ARHGAP21: variants seen among roughly 807,000 people sequenced by gnomAD.
ARHGAP21 encodes rho GTPase-activating protein 21.
A neutral mutation model predicts 164.6 loss-of-function variants in ARHGAP21; 38 were observed. The ratio of observed to expected loss-of-function variants is 0.23; its 90% confidence interval spans 0.18 to 0.30. The LOEUF is 0.30. Ranked by LOEUF, ARHGAP21 falls within the 10% of genes least tolerant of loss-of-function variation. The probability of loss-of-function intolerance (pLI) is 1.00; values close to 1 mark genes in which losing one functional copy is unlikely to be tolerated. For missense variants in ARHGAP21, 1,822 were observed against 2,370.7 expected (o/e 0.77, Z 4.81); for synonymous variants, 766 against 857.9 (o/e 0.89, Z 1.87).
At chr10:24,643,708 C>T (rs1321106673) in intron 4 of ARHGAP21, among the ~76,000 whole-genome samples, 1 of 152,134 alleles carries the variant, frequency 6.6e-6, no homozygotes, top group African/African-American at 2.4e-5. Context: ...AATACACCTG[C>T]TCTGTTCTTG....
intron 4 of ARHGAP21, among the ~76,000 whole-genome samples, chr10:24,660,638 A>T (rs1247389255): frequency 6.6e-6 from 1 of 152,136 alleles, no homozygotes; most frequent in Non-Finnish European, 1.5e-5. Context: ...TGGAAACTCA[A>T]TTTCTAATTA....
At position 24,600,739 on chromosome 10, in the gene ARHGAP21, C is replaced by A. The variant is rs140086076; in HGVS notation, c.3039G>T (p.Thr1013=). The stretch of plus-strand genomic sequence containing the variant: ...CCTGAAACAGGCATTCACAGTCGGA[C>A]GTGGTGAGTCGAAACACATTTTTCC... ...TKRKNVFRLT[T]SDCECLFQAE... Residue 1013 remains threonine (T), a synonymous_variant, in exon 14 of 26, where the codon ACG becomes ACT. Coordinates refer to ENST00000396432, the MANE Select transcript of ARHGAP21 (RefSeq NM_020824.4). 4.3e-6 allele frequency: 7 copies of A among 1,613,940 alleles called. No individual in the cohort carries two copies. In the South Asian group the frequency reaches 6.6e-5, roughly 15 times the overall value.
intron 4 of ARHGAP21, among the ~76,000 whole-genome samples, chr10:24,651,554 T>A (rs1838160716): frequency 6.6e-6 from 1 of 152,228 alleles, no homozygotes; most frequent in African/African-American, 2.4e-5. Flanking sequence ...AAGGCAATCC[T>A]TGAGCAGAGA....
At chr10:24,593,559 T>G (rs1377251841) in intron 21 of ARHGAP21, among the ~76,000 whole-genome samples, 1 of 125,124 alleles carries the variant, frequency 8.0e-6, no homozygotes, top group Admixed American at 8.1e-5. Context: ...AGTCTACAGC[T>G]TATTCATAAA....
intron 2 of ARHGAP21, among the ~76,000 whole-genome samples, chr10:24,684,431 T>C (rs1565159042): frequency 6.6e-6 from 1 of 152,188 alleles, no homozygotes; most frequent in African/African-American, 2.4e-5. Context: ...ACTACAAATT[T>C]GAGAGGCATA....
At chr10:24,612,424 T>C (rs1393938278) in intron 9 of ARHGAP21, among the ~76,000 whole-genome samples, 3 of 152,236 alleles carry the variant, frequency 2.0e-5, no homozygotes, top group Non-Finnish European at 4.4e-5. Flanking sequence ...TACCAAAATA[T>C]GGAAATTGAA....
At chr10:24,589,221 C>G in intron 25 of ARHGAP21, 50 bp downstream of exon 25, 5 of 1,517,810 alleles carry the variant, frequency 3.3e-6, no homozygotes, top group Non-Finnish European at 4.6e-6. Context: ...AACAATCAGC[C>G]GAAAAACAAT....
intron 2 of ARHGAP21, among the ~76,000 whole-genome samples, chr10:24,690,317 T>C (rs1002193851): frequency 6.6e-6 from 1 of 152,178 alleles, no homozygotes; most frequent in Admixed American, 6.5e-5. Flanking sequence ...CACAATATTT[T>C]AAAGTGCCAT....
chr10:24,596,888 G>C lies in ARHGAP21; in HGVS notation c.3335-6C>G. 6.3e-7 allele frequency: 1 copy of C among 1,591,630 alleles called. No homozygotes were observed. The highest frequency in any genetic ancestry group is 8.5e-7 in the Non-Finnish European group (1 of 1,174,420). On this transcript the variant is annotated splice_polypyrimidine_tract_variant and splice_region_variant and intron_variant, in intron 16 of 25. Coordinates refer to ENST00000396432, the MANE Select transcript of ARHGAP21 (RefSeq NM_020824.4). ...TTTTGGGGGACTGGTATCATCTTTT[G>C]ATTGCCAGTCAAAATAAAACAACAT...
chr10:24,589,904 T>C (rs956590119), intron 24 of ARHGAP21: 1 of 158,060 alleles, frequency 6.3e-6, no homozygotes, highest in African/African-American at 2.4e-5. Flanking sequence ...GCAGTGCAGT[T>C]GAGGGATCCT....
chr10:24,619,328 G>C (rs976514934), intron 9 of ARHGAP21, 145 bp downstream of exon 9: 1 of 808,310 alleles, frequency 1.2e-6, no homozygotes, highest in Non-Finnish European at 1.8e-6. Flanking sequence ...GAAAGCTCTG[G>C]TTGAAGCACA....
intron 4 of ARHGAP21, among the ~76,000 whole-genome samples, chr10:24,636,432 G>C (rs1836389572): frequency 6.6e-6 from 1 of 152,174 alleles, no homozygotes; most frequent in Non-Finnish European, 1.5e-5. Flanking sequence ...TTAAGTTTGA[G>C]AATCACTGAA....
rs1411821924 is a variant in ARHGAP21 at position 24,620,588 on chromosome 10, T to C, written c.1307A>G (p.Gln436Arg). ...ATGAGAGGTGCTTCGACGTCGTCCC[T>C]GCAAAGTAGTGCGGTTGGGGACGAC... is the stretch of plus-strand genomic sequence containing the variant. ...NQVVPNRTTL[Q>R]GRRRSTSHDR... The change falls in exon 9 of 26, where the codon CAG becomes CGG. Residue 436 changes from glutamine (Q) to arginine (R), a missense_variant. This residue lies in a region of ARHGAP21 where 1,090 missense variants were observed against 1,378.9 expected (regional missense o/e 0.79). Coordinates refer to ENST00000396432, the MANE Select transcript of ARHGAP21 (RefSeq NM_020824.4). The C allele has an allele frequency of 6.2e-7, 1 of 1,614,222 alleles. No individual in the cohort carries two copies.
chr10:24,628,277 G>A lies in ARHGAP21; in HGVS notation c.495+1719C>T, dbSNP rs560340669. On this transcript the variant is annotated intron_variant, in intron 7 of 25. Coordinates refer to ENST00000396432, the MANE Select transcript of ARHGAP21 (RefSeq NM_020824.4). ...AGCCTCCCAACTCCAACTGAACTGTGTACTTCAGAAGGGTAATTGTTATCG... is the reference window on the plus strand; with the variant it reads ...AGCCTCCCAACTCCAACTGAACTGTATACTTCAGAAGGGTAATTGTTATCG... Among the ~76,000 whole-genome samples, 30 of 152,268 alleles carry A rather than the reference G, an allele frequency of 2.0e-4. 1 individual carries two copies. The South Asian group carries it at 2.7e-3, about 14-fold the overall frequency.
intron 4 of ARHGAP21, among the ~76,000 whole-genome samples, chr10:24,649,725 AAAC>A (rs900167613): frequency 7.9e-5 from 12 of 152,190 alleles, no homozygotes; most frequent in Non-Finnish European, 1.5e-4. Context: ...AAACCATGGA[AAAC>A]AACAATATTC....
chr10:24,664,145 G>A (rs1184043455), intron 4 of ARHGAP21, among the ~76,000 whole-genome samples: 2 of 152,164 alleles, frequency 1.3e-5, no homozygotes, highest in African/African-American at 2.4e-5. Context: ...ACCCGTCTCA[G>A]ACCTCAGTGC....
At chr10:24,654,850 C>T (rs1246730221) in intron 4 of ARHGAP21, among the ~76,000 whole-genome samples, 1 of 152,184 alleles carries the variant, frequency 6.6e-6, no homozygotes, top group South Asian at 2.1e-4. Flanking sequence ...GGAGGCATCA[C>T]ACTACCTGAC....
chr10:24,606,494 A>C (rs1228959784), intron 11 of ARHGAP21, among the ~76,000 whole-genome samples: 1 of 152,370 alleles, frequency 6.6e-6, no homozygotes, highest in African/African-American at 2.4e-5. Context: ...TATGTATCAA[A>C]CAATACACTG....
chr10:24,597,735 G>T, intron 15 of ARHGAP21, 152 bp from the exon 16 acceptor site: 1 of 1,266,370 alleles, frequency 7.9e-7, no homozygotes, highest in Non-Finnish European at 1.1e-6. Context: ...GTCCTGCCCA[G>T]AATAAGAATC....
Sources: gnomAD v4.1 joint callset for allele counts (sites outside exome capture counted in the v4.1 genomes callset) on GRCh38, gnomAD v4.1.1 for gene constraint, gnomAD v4.1.1 regional missense constraint, MANE v1.5 for transcripts, NCBI Gene and HGNC (gene_info 2026-07-23, HGNC 2026-07-21) for gene names.